Variants in FGF12 observed in about 807,000 individuals in gnomAD.
The protein encoded by FGF12 is fibroblast growth factor 12B.
FGF12 carries 14 observed loss-of-function variants against 23.6 expected under a neutral mutation model. The observed-to-expected ratio is 0.59, with a 90% CI of 0.39 to 0.93. The LOEUF is 0.93. FGF12 is among the 40% of genes least tolerant of loss of function. FGF12 has a pLI of 0.00. For synonymous variants in FGF12, 62 were observed against 77.3 expected (o/e 0.80, Z 1.04); for missense variants, 175 against 217.8 (o/e 0.80, Z 1.24).
chr3:192,210,291 T>C (rs989465097), intron 4 of FGF12, among the ~76,000 whole-genome samples: 5 of 152,162 alleles, frequency 3.3e-5, no homozygotes, highest in Admixed American at 6.5e-5. Flanking sequence ...GGTGTCAGTG[T>C]ATCAGATTAA....
At chr3:192,587,507 C>T (rs1577067029) in intron 2 of FGF12, among the ~76,000 whole-genome samples, 1 of 151,692 alleles carries the variant, frequency 6.6e-6, no homozygotes, top group African/African-American at 2.4e-5. Flanking sequence ...AAATTCATGC[C>T]GAAAATCAAC....
At chr3:192,616,454 C>T (rs1714757883) in intron 2 of FGF12, among the ~76,000 whole-genome samples, 1 of 151,918 alleles carries the variant, frequency 6.6e-6, no homozygotes, top group Non-Finnish European at 1.5e-5. Flanking sequence ...TATTATGATT[C>T]CTAAGCCTAT....
chr3:192,654,577 C>A (rs1716329862), intron 2 of FGF12, among the ~76,000 whole-genome samples: 1 of 152,184 alleles, frequency 6.6e-6, no homozygotes, highest in South Asian at 2.1e-4. Context: ...AGGGACACAA[C>A]AAATGATAGC....
At chr3:192,211,405 T>C (rs1312404208) in intron 4 of FGF12, among the ~76,000 whole-genome samples, 1 of 152,068 alleles carries the variant, frequency 6.6e-6, no homozygotes, top group East Asian at 1.9e-4. Flanking sequence ...GTTTAGTGTG[T>C]GATACCACAA....
At chr3:192,711,429 C>T (rs1378958313) in intron 2 of FGF12, among the ~76,000 whole-genome samples, 2 of 152,016 alleles carry the variant, frequency 1.3e-5, no homozygotes, top group Non-Finnish European at 2.9e-5. Flanking sequence ...GCCCGGCCGC[C>T]ACCCCGTCTG....
intron 2 of FGF12, among the ~76,000 whole-genome samples, chr3:192,600,236 T>C (rs1184821424): frequency 2.0e-5 from 3 of 149,868 alleles, no homozygotes; most frequent in African/African-American, 7.4e-5. Flanking sequence ...CTGTCATCTG[T>C]TCCATTGGTC....
At chr3:192,404,285 T>A (rs923872989) in intron 2 of FGF12, among the ~76,000 whole-genome samples, 2 of 152,124 alleles carry the variant, frequency 1.3e-5, no homozygotes, top group African/African-American at 4.8e-5. Context: ...CCAGAGAGGG[T>A]CTCATTTGAA....
chr3:192,208,330 G>A (rs1436231662), intron 4 of FGF12, among the ~76,000 whole-genome samples: 1 of 152,172 alleles, frequency 6.6e-6, no homozygotes, highest in African/African-American at 2.4e-5. Context: ...ACACTGTAGG[G>A]AGTGTGACAA....
intron 2 of FGF12, among the ~76,000 whole-genome samples, chr3:192,506,571 C>T (rs980147268): frequency 6.6e-6 from 1 of 152,118 alleles, no homozygotes; most frequent in Non-Finnish European, 1.5e-5. Context: ...GGGGTTTCAC[C>T]ACGTTGGCCA....
intron 2 of FGF12, chr3:192,672,961 A>G (rs880774): frequency 0.18 from 26,822 of 150,902 alleles, 3,752 homozygotes; most frequent in African/African-American, 0.33. Flanking sequence ...AAGGCAATAA[A>G]AGAAATGCAT....
intron 2 of FGF12, among the ~76,000 whole-genome samples, chr3:192,461,982 C>CTCTTGTTT (rs1722878667): frequency 6.6e-6 from 1 of 150,682 alleles, no homozygotes; most frequent in South Asian, 2.1e-4. Flanking sequence ...AAGAGCGAAA[C>CTCTTGTTT]TCTGTCACAA....
intron 4 of FGF12, chr3:192,244,945 A>C (rs937555143): frequency 1.3e-5 from 2 of 152,304 alleles, no homozygotes; most frequent in Admixed American, 6.5e-5. Flanking sequence ...CCAAGCATGC[A>C]ATTAACTGCC....
chr3:192,326,523 A>G (rs1187189275), intron 4 of FGF12, among the ~76,000 whole-genome samples: 3 of 152,162 alleles, frequency 2.0e-5, no homozygotes, highest in Non-Finnish European at 4.4e-5. Context: ...ATATAAAATC[A>G]GTATCGTCAT....
intron 2 of FGF12, among the ~76,000 whole-genome samples, chr3:192,711,502 G>C (rs927777682): frequency 1.3e-5 from 2 of 152,184 alleles, no homozygotes; most frequent in Non-Finnish European, 2.9e-5. Context: ...TTGTCGAATA[G>C]AAAAGGGGGA....
chr3:192,374,863 C>G (rs1251305430), intron 2 of FGF12, among the ~76,000 whole-genome samples: 1 of 152,154 alleles, frequency 6.6e-6, no homozygotes, highest in Non-Finnish European at 1.5e-5. Flanking sequence ...TACTCATCAC[C>G]CATATTTAAC....
chr3:192,518,081 T>G (rs368342958), intron 2 of FGF12, among the ~76,000 whole-genome samples: 25 of 152,284 alleles, frequency 1.6e-4, no homozygotes, highest in East Asian at 1.2e-3. Context: ...TAAGCCAAAC[T>G]CAAAATTTTA....
chr3:192,613,124 T>C (rs1257292953), intron 2 of FGF12, among the ~76,000 whole-genome samples: 2 of 151,942 alleles, frequency 1.3e-5, no homozygotes. Context: ...TTTGTTTTAC[T>C]TCAAAGCAAA....
At chr3:192,700,278 A>C (rs1474122335) in intron 2 of FGF12, among the ~76,000 whole-genome samples, 2 of 152,212 alleles carry the variant, frequency 1.3e-5, no homozygotes, top group Admixed American at 6.5e-5. Context: ...ATAAACAAAG[A>C]TCACATTCAT....
At chr3:192,307,406 C>T (rs113860059) in intron 4 of FGF12, among the ~76,000 whole-genome samples, 5 of 152,184 alleles carry the variant, frequency 3.3e-5, no homozygotes, top group African/African-American at 1.2e-4. Flanking sequence ...CGACAGGATG[C>T]TAATTGTGGT....
Sources: allele counts gnomAD v4.1 joint callset (sites outside exome capture counted in the v4.1 genomes callset), GRCh38; gene constraint gnomAD v4.1.1; transcripts MANE v1.5; gene names NCBI Gene and HGNC (gene_info 2026-07-23, HGNC 2026-07-21).